CCDC25: variants seen among roughly 807,000 people sequenced by gnomAD.
The protein encoded by CCDC25 is coiled-coil domain-containing protein 25.
CCDC25 carries 16 observed loss-of-function variants against 35.3 expected under a neutral mutation model. The ratio of observed to expected loss-of-function variants is 0.45; its 90% confidence interval spans 0.31 to 0.69. CCDC25 has a LOEUF of 0.69. Among genes scored for constraint, CCDC25 ranks in the 30% least tolerant of loss-of-function variants. The pLI, the probability that CCDC25 is intolerant of heterozygous loss-of-function variation, is 0.06. For synonymous variants in CCDC25, 79 were observed against 80.3 expected, an observed-to-expected ratio of 0.98 and a Z score of 0.09; for missense variants, 179 against 250.7, an observed-to-expected ratio of 0.71 and a Z score of 1.93.
rs973429890 is a variant in CCDC25 at position 27,734,074 on chromosome 8, A to G, written c.*2142T>C. The G allele has an allele frequency of 6.6e-6, 1 of 152,178 alleles. No individual in the cohort carries two copies. The highest frequency in any genetic ancestry group is 2.4e-5 in the African/African-American group (1 of 41,432). 9.4% of individuals were successfully genotyped at this position (152,178 alleles called of 1,614,324 possible). A position where few individuals can be genotyped will look rare whatever the true frequency, so the allele number is the denominator to read the frequency against. On this transcript the variant is annotated 3_prime_UTR_variant, in exon 9 of 9. Coordinates refer to ENST00000356537, the MANE Select transcript of CCDC25 (RefSeq NM_018246.3). Reference sequence around the variant, plus strand: ...ACATAGACACTGAAGGGGTTCAACTAATGTCCATCACTTATTCTGCTAATG... The same window carrying G: ...ACATAGACACTGAAGGGGTTCAACTGATGTCCATCACTTATTCTGCTAATG...
At chr8:27,751,773 T>C (rs1238421891) in intron 5 of CCDC25, among the ~76,000 whole-genome samples, 3 of 152,180 alleles carry the variant, frequency 2.0e-5, no homozygotes, top group Non-Finnish European at 2.9e-5. Flanking sequence ...ATAATCATCC[T>C]TCTTGACCCT....
In CCDC25 at chr8:27,736,101, GGA is replaced by G; in HGVS notation, c.*113_*114del. Reference sequence around the variant, plus strand: ...CTTGAAAATCAATAATTTCTGGGTAGGATGAAGGTAGAATTTTGGTTGTATTT... The same window carrying G: ...CTTGAAAATCAATAATTTCTGGGTAGTGAAGGTAGAATTTTGGTTGTATTT... On this transcript the variant is annotated 3_prime_UTR_variant, in exon 9 of 9. Transcript: ENST00000356537. 4 of 930,654 alleles carry G rather than the reference GGA, an allele frequency of 4.3e-6. No homozygotes were observed. The South Asian group carries it at 6.9e-5, about 16-fold the overall frequency. 57.6% of individuals were successfully genotyped at this position (930,654 alleles called of 1,614,324 possible). A position where few individuals can be genotyped will look rare whatever the true frequency, so the allele number is the denominator to read the frequency against.
At chr8:27,742,254 C>T (rs1354696747) in intron 7 of CCDC25, among the ~76,000 whole-genome samples, 1 of 152,046 alleles carries the variant, frequency 6.6e-6, no homozygotes, top group Non-Finnish European at 1.5e-5. Flanking sequence ...TGGGAGACAC[C>T]CAGAGGGAGA....
chr8:27,754,023 G>A (rs1803908158), intron 4 of CCDC25, among the ~76,000 whole-genome samples: 1 of 152,130 alleles, frequency 6.6e-6, no homozygotes. Context: ...ATAAATAGTA[G>A]AGAGCATTTT....
At chr8:27,766,822 T>C (rs1312465846) in intron 1 of CCDC25, among the ~76,000 whole-genome samples, 1 of 152,100 alleles carries the variant, frequency 6.6e-6, no homozygotes, top group Non-Finnish European at 1.5e-5. Flanking sequence ...CATGTACCCA[T>C]TAAAAAGAAA....
chr8:27,766,009 G>T (rs1427664497), intron 1 of CCDC25, among the ~76,000 whole-genome samples: 2 of 152,222 alleles, frequency 1.3e-5, no homozygotes, highest in African/African-American at 2.4e-5. Context: ...TCCTAGAAAT[G>T]ATATTTGCTT....
At chr8:27,753,749 C>T (rs1011233328) in intron 4 of CCDC25, among the ~76,000 whole-genome samples, 1 of 152,172 alleles carries the variant, frequency 6.6e-6, no homozygotes, top group Non-Finnish European at 1.5e-5. Context: ...TTCTCTAAAT[C>T]TAATAGTTCC....
intron 2 of CCDC25, 34 bp downstream of exon 2, chr8:27,765,170 A>G: frequency 6.7e-7 from 1 of 1,490,236 alleles, no homozygotes; most frequent in Non-Finnish European, 9.1e-7. Flanking sequence ...TTACCTGCTG[A>G]AAATTTCAAA....
intron 5 of CCDC25, among the ~76,000 whole-genome samples, chr8:27,750,173 C>G (rs1299708053): frequency 6.6e-6 from 1 of 152,110 alleles, no homozygotes. Flanking sequence ...CTACAGGAAA[C>G]TGCTAAGACA....
intron 1 of CCDC25, among the ~76,000 whole-genome samples, chr8:27,766,099 T>C (rs1293367086): frequency 1.3e-5 from 2 of 152,244 alleles, no homozygotes; most frequent in African/African-American, 4.8e-5. Flanking sequence ...GTTTCAAAGC[T>C]AGTTTACCAA....
chr8:27,772,197 G>A, intron 1 of CCDC25: 1 of 506,888 alleles, frequency 2.0e-6, no homozygotes, highest in Non-Finnish European at 3.5e-6. Context: ...GATAAGGTGT[G>A]TGGAGGAGCC....
Position 27,737,143 on chromosome 8 carries a change from G to A in CCDC25, c.598-898C>T, listed in dbSNP as rs1371500599. Among the ~76,000 whole-genome samples the A allele has an allele frequency of 6.6e-6, 1 of 152,298 alleles. No individual in the cohort carries two copies. Among genetic ancestry groups the A allele is most frequent in the East Asian group, 1.9e-4 (1 of 5,192 alleles). ...GTTTTAGCTCCAACTTCACTTAGTG[G>A]TTTTCTCTGTGGTTCTCTTCCATTA... On this transcript the variant is annotated intron_variant, in intron 8 of 8. Transcript: ENST00000356537. The surrounding 1 kb of genome is among the most constrained non-coding windows in gnomAD (Gnocchi z 4.6).
chr8:27,738,219 TACTC>T (rs1803310781), intron 8 of CCDC25, among the ~76,000 whole-genome samples: 1 of 151,978 alleles, frequency 6.6e-6, no homozygotes. Context: ...CTAAAGAACT[TACTC>T]ATGTAGCCAA....
intron 3 of CCDC25, among the ~76,000 whole-genome samples, chr8:27,759,398 G>A (rs1804133205): frequency 6.6e-6 from 1 of 152,152 alleles, no homozygotes; most frequent in Non-Finnish European, 1.5e-5. Flanking sequence ...CTTCAGGTCA[G>A]GGGTTGGAGA....
chr8:27,748,318 G>GT (rs752261573), intron 6 of CCDC25, 39 bp from the exon 7 acceptor site: 141 of 1,566,038 alleles, frequency 9.0e-5, no homozygotes, highest in Middle Eastern at 1.7e-4. Flanking sequence ...GCATCTTTTT[G>GT]TTTTTTTTCT....
At chr8:27,759,897 CAG>C in intron 3 of CCDC25, among the ~76,000 whole-genome samples, 1 of 151,920 alleles carries the variant, frequency 6.6e-6, no homozygotes, top group South Asian at 2.1e-4. Flanking sequence ...CTGACATTCA[CAG>C]AGGTAATGAA....
Position 27,772,583 on chromosome 8 carries a change from G to C in CCDC25, c.-43C>G. ...GGTGACTCCACCGCGGAGCAGCAGC[G>C]CTCAACTCACGAAGCTCAGGATACC... On this transcript the variant is annotated 5_prime_UTR_variant, in exon 1 of 9. Coordinates refer to ENST00000356537, the MANE Select transcript of CCDC25 (RefSeq NM_018246.3). The C allele has an allele frequency of 6.5e-7, 1 of 1,541,194 alleles. No individual in the cohort carries two copies. Among genetic ancestry groups the C allele is most frequent in the East Asian group, 2.5e-5 (1 of 40,724 alleles).
chr8:27,748,446 T>TC (rs1803680089), intron 6 of CCDC25, 49 bp downstream of exon 6: 11 of 1,420,122 alleles, frequency 7.7e-6, no homozygotes, highest in African/African-American at 4.2e-5. Context: ...GATAGGATAC[T>TC]CCATTCAGTA....
intron 2 of CCDC25, 32 bp from the exon 3 acceptor site, chr8:27,762,490 A>G: frequency 1.2e-6 from 2 of 1,602,250 alleles, no homozygotes; most frequent in South Asian, 2.2e-5. Flanking sequence ...GAAAGAAACA[A>G]AAACTGTCAA....
Sources: allele counts gnomAD v4.1 joint callset (sites outside exome capture counted in the v4.1 genomes callset), GRCh38; gene constraint gnomAD v4.1.1; non-coding constraint Gnocchi (gnomAD v3.1); transcripts MANE v1.5; gene names NCBI Gene and HGNC (gene_info 2026-07-23, HGNC 2026-07-21).